Variants in RANBP2 observed in about 807,000 individuals in gnomAD.
The protein encoded by RANBP2 is E3 SUMO-protein ligase RanBP2.
A neutral mutation model predicts 303.6 loss-of-function variants in RANBP2; 57 were observed. That is an observed-to-expected ratio of 0.19 (90% CI 0.15 to 0.23). RANBP2 has a LOEUF of 0.23. RANBP2 is among the 10% of genes least tolerant of loss of function. The probability of loss-of-function intolerance (pLI) is 1.00; values close to 1 mark genes in which losing one functional copy is unlikely to be tolerated. For missense variants in RANBP2, 3,138 were observed against 3,780.8 expected (o/e 0.83, Z 4.46); for synonymous variants, 1,167 against 1,301.5 (o/e 0.90, Z 2.23).
chr2:109,463,771 A>G, the RANBP2 span, among the ~76,000 whole-genome samples: 1 of 152,206 alleles, frequency 6.6e-6, no homozygotes, highest in East Asian at 1.9e-4. Flanking sequence ...TGCTAAGACC[A>G]TGGAGAATGA....
the RANBP2 span, among the ~76,000 whole-genome samples, chr2:108,889,857 T>C: frequency 6.6e-6 from 1 of 152,210 alleles, no homozygotes. Context: ...TTTCTTTTTC[T>C]CTTATTGATT....
the RANBP2 span, among the ~76,000 whole-genome samples, chr2:109,569,014 T>C: frequency 6.6e-6 from 1 of 152,230 alleles, no homozygotes; most frequent in Non-Finnish European, 1.5e-5. Context: ...AAAAGACTGA[T>C]AGCTCCACAA....
chr2:109,078,142 ATATATATAGCATG>A, the RANBP2 span, among the ~76,000 whole-genome samples: 4 of 77,876 alleles, frequency 5.1e-5, no homozygotes, highest in African/African-American at 1.2e-4. Flanking sequence ...TATAGCGTGT[ATATATATAGCATG>A]TATATATATA....
chr2:109,736,916 T>G, the RANBP2 span, among the ~76,000 whole-genome samples: 1 of 152,080 alleles, frequency 6.6e-6, no homozygotes, highest in South Asian at 2.1e-4. Context: ...TCAAGTCACC[T>G]TCTCCTACTC....
Position 108,751,313 on chromosome 2 carries a change from C to T in RANBP2, c.1323C>T (p.Gly441=), listed in dbSNP as rs2149220627. 6.2e-7 allele frequency: 1 copy of T among 1,611,932 alleles called. No homozygotes were observed. The highest frequency in any genetic ancestry group is 8.5e-7 in the Non-Finnish European group (1 of 1,179,834). Residue 441 remains glycine, a synonymous_variant, in exon 10 of 29, where the codon GGC becomes GGT. Coordinates refer to ENST00000283195, the MANE Select transcript of RANBP2 (RefSeq NM_006267.5). ...NGSLQHLTWL[G]LQWNSLPALP... Reference sequence around the variant, plus strand: ...GTCTTCAGCACCTTACTTGGCTTGGCTTACAGTGGAATTCATTGCCTGCTT... The same window carrying T: ...GTCTTCAGCACCTTACTTGGCTTGGTTTACAGTGGAATTCATTGCCTGCTT...
chr2:109,349,202 T>C, the RANBP2 span, among the ~76,000 whole-genome samples: 2 of 152,186 alleles, frequency 1.3e-5, no homozygotes, highest in Non-Finnish European at 2.9e-5. Flanking sequence ...AGGAGAACCA[T>C]GCACAGTGTT....
the RANBP2 span, among the ~76,000 whole-genome samples, chr2:109,542,526 T>G: frequency 6.6e-6 from 1 of 152,176 alleles, no homozygotes; most frequent in African/African-American, 2.4e-5. Flanking sequence ...TATAGCCACA[T>G]ATGTAACAAA....
chr2:109,424,505 G>A, the RANBP2 span, among the ~76,000 whole-genome samples: 1 of 152,168 alleles, frequency 6.6e-6, no homozygotes, highest in South Asian at 2.1e-4. Context: ...AAGCTTCGGG[G>A]CAACCCAGCA....
In RANBP2 at chr2:108,775,842, A is replaced by C. The variant is rs775153464; in HGVS notation, c.8403A>C (p.Lys2801Asn). 3 of 1,613,760 alleles carry C rather than the reference A, an allele frequency of 1.9e-6. No individual in the cohort carries two copies. Among genetic ancestry groups the C allele is most frequent in the East Asian group, 4.5e-5 (2 of 44,814 alleles). ...CTGAAGAACCTGATTCTATTACCAA[A>C]TCCATTAGTTCACCATCTGTTTCCT... is the stretch of plus-strand genomic sequence containing the variant. ...CKSEEPDSIT[K>N]SISSPSVSSE... is the part of the protein sequence containing the mutation. Residue 2801 changes from lysine (K) to asparagine (N), a missense_variant, in exon 24 of 29, where the codon AAA becomes AAC. Lys to Asn is a moderately conservative substitution (Grantham distance 94). This residue lies in a region of RANBP2 where 497 missense variants were observed against 465.8 expected (regional missense o/e 1.07). Transcript: ENST00000283195.
chr2:109,475,491 G>A, the RANBP2 span, among the ~76,000 whole-genome samples: 5 of 152,206 alleles, frequency 3.3e-5, no homozygotes, highest in Non-Finnish European at 7.3e-5. Context: ...AGCCTGGGGC[G>A]CTGAAGCCAC....
the RANBP2 span, among the ~76,000 whole-genome samples, chr2:109,388,424 G>A: frequency 6.6e-6 from 1 of 152,206 alleles, no homozygotes; most frequent in Non-Finnish European, 1.5e-5. Context: ...CAGGTACTCA[G>A]TGAGTGCTGA....
At chr2:109,422,792 C>T in the RANBP2 span, among the ~76,000 whole-genome samples, 5 of 152,292 alleles carry the variant, frequency 3.3e-5, no homozygotes, top group Admixed American at 6.5e-5. Context: ...TTCTCACCTC[C>T]ACTTCTTCGT....
At chr2:108,726,103 TGG>T (rs1470140580) in intron 1 of RANBP2, among the ~76,000 whole-genome samples, 1 of 152,210 alleles carries the variant, frequency 6.6e-6, no homozygotes, top group Admixed American at 6.5e-5. Context: ...AAATATTGAA[TGG>T]AAGATTATAT....
chr2:109,098,833 G>A, the RANBP2 span, among the ~76,000 whole-genome samples: 4 of 152,204 alleles, frequency 2.6e-5, no homozygotes, highest in South Asian at 4.1e-4. Flanking sequence ...GGAAGTGACT[G>A]TATTTCCTGT....
chr2:109,668,247 AC>A, the RANBP2 span, among the ~76,000 whole-genome samples: 1 of 152,232 alleles, frequency 6.6e-6, no homozygotes, highest in South Asian at 2.1e-4. Context: ...GGATTCTCTT[AC>A]TTTTTTCTGC....
At chr2:109,573,203 A>C in the RANBP2 span, among the ~76,000 whole-genome samples, 1 of 152,160 alleles carries the variant, frequency 6.6e-6, no homozygotes, top group Non-Finnish European at 1.5e-5. Flanking sequence ...ACTGAAAATC[A>C]CTTAAGTCCA....
chr2:109,637,144 C>CTA, the RANBP2 span, among the ~76,000 whole-genome samples: 8 of 152,198 alleles, frequency 5.3e-5, no homozygotes, highest in African/African-American at 1.4e-4. Flanking sequence ...AGGGAAGGTA[C>CTA]TATGACTGGA....
the RANBP2 span, among the ~76,000 whole-genome samples, chr2:109,133,378 ATAATT>A: frequency 6.6e-6 from 1 of 152,228 alleles, no homozygotes; most frequent in Non-Finnish European, 1.5e-5. Flanking sequence ...AATAGAGAAA[ATAATT>A]TAAGTTGGAG....
At chr2:108,965,464 C>CAAA in the RANBP2 span, among the ~76,000 whole-genome samples, 917 of 137,210 alleles carry the variant, frequency 6.7e-3, 20 homozygotes, top group African/African-American at 0.019. Flanking sequence ...GATTTCGTCT[C>CAAA]AAAAAAAAAA....
Sources: gnomAD v4.1 joint callset for allele counts (sites outside exome capture counted in the v4.1 genomes callset) on GRCh38, gnomAD v4.1.1 for gene constraint, gnomAD v4.1.1 regional missense constraint, MANE v1.5 for transcripts, NCBI Gene and HGNC (gene_info 2026-07-23, HGNC 2026-07-21) for gene names.